ANKRD6: variants seen among roughly 807,000 people sequenced by gnomAD.
The protein encoded by ANKRD6 is ankyrin repeat domain-containing protein 6.
A neutral mutation model predicts 82.3 loss-of-function variants in ANKRD6; 56 were observed. The observed-to-expected ratio is 0.68, with a 90% CI of 0.55 to 0.85. ANKRD6 has a LOEUF of 0.85. Ranked by LOEUF, ANKRD6 falls within the 40% of genes least tolerant of loss-of-function variation. The probability of loss-of-function intolerance (pLI) is 0.00; values close to 1 mark genes in which losing one functional copy is unlikely to be tolerated. For missense variants in ANKRD6, 852 were observed against 907.6 expected (o/e 0.94, Z 0.79); for synonymous variants, 347 against 352.1 (o/e 0.99, Z 0.16).
chr6:89,481,256 G>A (rs1197941156), intron 1 of ANKRD6, among the ~76,000 whole-genome samples: 1 of 152,108 alleles, frequency 6.6e-6, no homozygotes, highest in African/African-American at 2.4e-5. Flanking sequence ...ATAGCAAAAT[G>A]GGTACTCTCA....
At chr6:89,592,553 C>T (rs945606159) in intron 2 of ANKRD6, among the ~76,000 whole-genome samples, 1 of 152,178 alleles carries the variant, frequency 6.6e-6, no homozygotes, top group Non-Finnish European at 1.5e-5. Context: ...AGAAAGGTGC[C>T]TCCAATCCAG....
intron 1 of ANKRD6, among the ~76,000 whole-genome samples, chr6:89,470,802 A>G (rs760290499): frequency 9.2e-5 from 14 of 151,988 alleles, no homozygotes; most frequent in Non-Finnish European, 2.1e-4. Flanking sequence ...TAGAAGTGAA[A>G]TCGCTGGGTC....
In ANKRD6 at chr6:89,632,144, T is replaced by C. The variant is rs1262037755; in HGVS notation, c.*1140T>C. On this transcript the variant is annotated 3_prime_UTR_variant, in exon 16 of 16. Coordinates refer to ENST00000339746, the MANE Select transcript of ANKRD6 (RefSeq NM_001242809.2). The stretch of plus-strand genomic sequence containing the variant: ...ATTCATCTCCTCAATATCCCATGTA[T>C]GCACAGAAACTTCAGTTCTATTTCT... 1 of 152,240 alleles carries C rather than the reference T, an allele frequency of 6.6e-6. No individual in the cohort carries two copies. The highest frequency in any genetic ancestry group is 1.5e-5 in the Non-Finnish European group (1 of 68,050). The allele number at this position is 152,240 out of a possible 1,614,324, so 9.4% of individuals were successfully genotyped here.
intron 5 of ANKRD6, among the ~76,000 whole-genome samples, chr6:89,609,598 G>A (rs989201673): frequency 2.6e-5 from 4 of 151,562 alleles, no homozygotes; most frequent in Admixed American, 6.6e-5. Context: ...CACCGAACCC[G>A]GCCTGTAATC....
At chr6:89,461,368 G>T (rs1774114148) in intron 1 of ANKRD6, among the ~76,000 whole-genome samples, 1 of 152,208 alleles carries the variant, frequency 6.6e-6, no homozygotes, top group African/African-American at 2.4e-5. Context: ...GAGTACATTA[G>T]TTGATGGGAG....
intron 1 of ANKRD6, among the ~76,000 whole-genome samples, chr6:89,491,983 A>T (rs1249214536): frequency 6.6e-6 from 1 of 152,132 alleles, no homozygotes; most frequent in Non-Finnish European, 1.5e-5. Context: ...CTTCTTCATC[A>T]TACCCAGCAT....
chr6:89,623,322 T>C (rs747564563), intron 10 of ANKRD6, 88 bp from the exon 11 acceptor site: 44 of 1,488,484 alleles, frequency 3.0e-5, no homozygotes, highest in East Asian at 7.0e-5. Context: ...CCTTACCATA[T>C]GGAATCTTGC....
chr6:89,485,350 C>G (rs963942594), intron 1 of ANKRD6, among the ~76,000 whole-genome samples: 8 of 152,218 alleles, frequency 5.3e-5, no homozygotes, highest in African/African-American at 1.9e-4. Flanking sequence ...TGTGGCAACT[C>G]AGATTCAGAG....
At chr6:89,594,218 C>T (rs925539734) in intron 2 of ANKRD6, among the ~76,000 whole-genome samples, 15 of 152,024 alleles carry the variant, frequency 9.9e-5, no homozygotes, top group Non-Finnish European at 2.1e-4. Flanking sequence ...TTTGGGAGGC[C>T]GAGGCAGGCG....
chr6:89,549,468 C>T (rs1785529752), intron 1 of ANKRD6, among the ~76,000 whole-genome samples: 1 of 144,790 alleles, frequency 6.9e-6, no homozygotes, highest in South Asian at 2.3e-4. Flanking sequence ...AAGATGATAG[C>T]TTCTCAATCT....
At chr6:89,478,307 A>C (rs1776328003) in intron 1 of ANKRD6, 2 of 152,462 alleles carry the variant, frequency 1.3e-5, no homozygotes, top group Admixed American at 1.3e-4. Context: ...AGGTTGCCTA[A>C]GGAGGGATGA....
chr6:89,552,240 T>C (rs566057049), intron 1 of ANKRD6, among the ~76,000 whole-genome samples: 1 of 152,224 alleles, frequency 6.6e-6, no homozygotes, highest in Non-Finnish European at 1.5e-5. Context: ...TCCACCTAAC[T>C]GGAGCATTAC....
Position 89,630,174 on chromosome 6 carries a change from T to G in ANKRD6, c.1613-259T>G, listed in dbSNP as rs527810709. On this transcript the variant is annotated intron_variant, in intron 15 of 15. Transcript: ENST00000339746. ...GGCTGAAGGAAAAGCCAGCAACTTT[T>G]TTGGCTTAAATGGGACCAGTGTGGC... Among the ~76,000 whole-genome samples the G allele has an allele frequency of 5.8e-4, 89 of 152,332 alleles. 1 individual carries two copies. Among genetic ancestry groups the G allele is most frequent in the African/African-American group, 2.1e-3 (86 of 41,570 alleles).
intron 1 of ANKRD6, among the ~76,000 whole-genome samples, chr6:89,557,006 TA>T (rs1786688904): frequency 6.6e-6 from 1 of 151,638 alleles, no homozygotes; most frequent in African/African-American, 2.4e-5. Context: ...GAATGTGGGA[TA>T]GGGGGAAGGG....
intron 1 of ANKRD6, among the ~76,000 whole-genome samples, chr6:89,464,260 A>G (rs1774558826): frequency 6.6e-6 from 1 of 152,092 alleles, no homozygotes. Flanking sequence ...CTTCTTTTTA[A>G]CTTGATCAAA....
At chr6:89,478,443 A>G (rs1236924902) in intron 1 of ANKRD6, 1 of 152,242 alleles carries the variant, frequency 6.6e-6, no homozygotes, top group Non-Finnish European at 1.5e-5. Flanking sequence ...TAAAAAAAAA[A>G]TTTAATTGGC....
chr6:89,515,803 G>T (rs926148974), intron 1 of ANKRD6, among the ~76,000 whole-genome samples: 3 of 152,222 alleles, frequency 2.0e-5, no homozygotes, highest in Non-Finnish European at 4.4e-5. Context: ...TGGAGAGAAG[G>T]TGCCTCTCCT....
At chr6:89,501,460 A>G (rs191487014) in intron 1 of ANKRD6, among the ~76,000 whole-genome samples, 1 of 152,318 alleles carries the variant, frequency 6.6e-6, no homozygotes, top group East Asian at 1.9e-4. Flanking sequence ...CCTTAAGCTT[A>G]CTTAAACATT....
intron 1 of ANKRD6, among the ~76,000 whole-genome samples, chr6:89,544,069 T>C (rs1180676159): frequency 6.6e-6 from 1 of 152,206 alleles, no homozygotes; most frequent in Non-Finnish European, 1.5e-5. Flanking sequence ...GATGCACTTA[T>C]CCCTTTAGTG....
Sources: allele counts gnomAD v4.1 joint callset (sites outside exome capture counted in the v4.1 genomes callset), GRCh38; gene constraint gnomAD v4.1.1; transcripts MANE v1.5; gene names NCBI Gene and HGNC (gene_info 2026-07-23, HGNC 2026-07-21).